Variants in THOC2 observed in about 807,000 individuals in gnomAD.
THOC2 encodes the protein THO complex 2.
THOC2 carries 10 observed loss-of-function variants against 128.4 expected under a neutral mutation model. The observed-to-expected ratio is 0.08, with a 90% CI of 0.05 to 0.13. The LOEUF (loss-of-function observed/expected upper bound fraction) is 0.13. Among genes scored for constraint, THOC2 ranks in the 10% least tolerant of loss-of-function variants. THOC2 has a pLI of 1.00. For synonymous variants in THOC2, 393 were observed against 396.9 expected, an observed-to-expected ratio of 0.99 and a Z score of 0.12; for missense variants, 535 against 1,155.7, an observed-to-expected ratio of 0.46 and a Z score of 7.79.
chrX:123,713,858 A>C (rs1207520887), intron 1 of THOC2, among the ~76,000 whole-genome samples: 1 of 110,596 alleles, frequency 9.0e-6, no homozygotes, highest in East Asian at 2.8e-4. Flanking sequence ...AAAAAAAGGA[A>C]AAAAGAAAAG....
intron 15 of THOC2, among the ~76,000 whole-genome samples, chrX:123,642,196 C>T (rs2047943905): frequency 9.0e-6 from 1 of 111,549 alleles, no homozygotes; most frequent in African/African-American, 3.3e-5. Flanking sequence ...GAGGCCAAGG[C>T]GGGTGAATCA....
chrX:123,678,274 T>C (rs1248076302), intron 8 of THOC2, among the ~76,000 whole-genome samples: 2 of 108,680 alleles, frequency 1.8e-5, no homozygotes, highest in African/African-American at 6.7e-5. Context: ...AAACTTTTTT[T>C]TTTTTTTTTG....
chrX:123,603,354 G>T, intron 38 of THOC2: 1 of 279,908 alleles, frequency 3.6e-6, no homozygotes, highest in Admixed American at 6.2e-5. Flanking sequence ...AAGTATAGGA[G>T]TTCACACACA....
At chrX:123,653,323 A>C (rs891784106) in intron 12 of THOC2, among the ~76,000 whole-genome samples, 1 of 112,185 alleles carries the variant, frequency 8.9e-6, no homozygotes, top group East Asian at 2.8e-4. Flanking sequence ...GAAAAACCCT[A>C]GAAGAAAATT....
At chrX:123,681,850 G>C (rs766240491) in intron 8 of THOC2, among the ~76,000 whole-genome samples, 1 of 111,689 alleles carries the variant, frequency 9.0e-6, no homozygotes, top group African/African-American at 3.3e-5. Context: ...ACCTGAGGTC[G>C]GGAATTCGGG....
chrX:123,718,369 A>G (rs2051522581), intron 1 of THOC2, among the ~76,000 whole-genome samples: 1 of 112,294 alleles, frequency 8.9e-6, no homozygotes, highest in Non-Finnish European at 1.9e-5. Context: ...AGAGCTACAC[A>G]ACACTGGTCT....
chrX:123,661,780 G>A, intron 12 of THOC2, among the ~76,000 whole-genome samples: 1 of 111,445 alleles, frequency 9.0e-6, no homozygotes, highest in Middle Eastern at 4.2e-3. Context: ...GTAAATTTGT[G>A]AGCATTAAAA....
chrX:123,677,486 GTAA>G lies in THOC2; in HGVS notation c.769-5728_769-5726del, dbSNP rs2049550150. ...ATTTTTTTAACTTTTTGACTTTTTT[GTAA>G]TAATGCTTAGCTTAAAACACACATT... On this transcript the variant is annotated intron_variant, in intron 8 of 38. Coordinates refer to ENST00000245838, the MANE Select transcript of THOC2 (RefSeq NM_001081550.2). Among the ~76,000 whole-genome samples, 7 of 110,905 alleles carry G rather than the reference GTAA, an allele frequency of 6.3e-5. No homozygotes were observed. The South Asian group carries it at 2.6e-3, about 42-fold the overall frequency.
chrX:123,635,785 G>GT (rs1221801908), intron 19 of THOC2, among the ~76,000 whole-genome samples: 1 of 111,798 alleles, frequency 8.9e-6, no homozygotes, highest in East Asian at 2.8e-4. Flanking sequence ...GATATACAAT[G>GT]TATCATATTA....
intron 23 of THOC2, among the ~76,000 whole-genome samples, chrX:123,627,491 A>G (rs1921730722): frequency 9.0e-6 from 1 of 111,670 alleles, no homozygotes; most frequent in Admixed American, 9.5e-5. Context: ...CACTCAAATA[A>G]TTTTTGATTA....
At chrX:123,650,836 T>G (rs984621366) in intron 12 of THOC2, among the ~76,000 whole-genome samples, 16 of 111,822 alleles carry the variant, frequency 1.4e-4, no homozygotes, top group Non-Finnish European at 3.8e-5. Flanking sequence ...CAAAGAGATT[T>G]TGGCTGCCAC....
chrX:123,622,897 A>G, intron 29 of THOC2, 37 bp from the exon 30 acceptor site: 1 of 1,017,813 alleles, frequency 9.8e-7, no homozygotes, highest in Non-Finnish European at 1.3e-6. Context: ...ACAAGCCCCT[A>G]AATGTAAATA....
intron 15 of THOC2, among the ~76,000 whole-genome samples, chrX:123,643,111 G>A (rs780860202): frequency 9.0e-6 from 1 of 111,462 alleles, no homozygotes; most frequent in South Asian, 3.8e-4. Context: ...AGATGGAAAG[G>A]GGGAAAGGAA....
chrX:123,712,728 G>C, intron 2 of THOC2, 122 bp downstream of exon 2: 3 of 434,425 alleles, frequency 6.9e-6, no homozygotes, highest in Non-Finnish European at 1.2e-5. Context: ...ATATAACCAT[G>C]TAAAACCTTT....
intron 2 of THOC2, among the ~76,000 whole-genome samples, chrX:123,710,711 C>T (rs1031703875): frequency 9.1e-6 from 1 of 109,855 alleles, no homozygotes; most frequent in Admixed American, 9.7e-5. Context: ...CATTTTCGGT[C>T]GGGCACGGTG....
intron 8 of THOC2, among the ~76,000 whole-genome samples, chrX:123,672,293 C>T (rs1346672200): frequency 9.3e-6 from 1 of 108,041 alleles, no homozygotes; most frequent in African/African-American, 3.4e-5. Context: ...TATATGCCAC[C>T]ACACCCAGCT....
At position 123,683,633 on chromosome X, in the gene THOC2, T is replaced by C. The variant is rs1416773549; in HGVS notation, c.768+2915A>G. The stretch of plus-strand genomic sequence containing the variant: ...TTTTTTTTGAGACAGAGTTTCGCTC[T>C]TGTTGCCCAGGCTGGAGTGCAATGG... On this transcript the variant is annotated intron_variant, in intron 8 of 38. Coordinates refer to ENST00000245838, the MANE Select transcript of THOC2 (RefSeq NM_001081550.2). 3.7e-5 allele frequency among the ~76,000 whole-genome samples: 4 copies of C among 109,044 alleles called. No homozygotes were observed. The East Asian group carries it at 1.1e-3, about 31-fold the overall frequency. The allele number at this position is 109,044 out of a possible 115,157, so 94.7% of individuals were successfully genotyped here.
intron 8 of THOC2, among the ~76,000 whole-genome samples, chrX:123,682,057 C>CA (rs1316826868): frequency 9.1e-6 from 1 of 109,804 alleles, no homozygotes; most frequent in Admixed American, 9.6e-5. Flanking sequence ...AAACTCCATT[C>CA]AAAAAAAGAA....
chrX:123,722,900 C>T (rs1219822931), intron 1 of THOC2, among the ~76,000 whole-genome samples: 1 of 111,890 alleles, frequency 8.9e-6, no homozygotes, highest in African/African-American at 3.2e-5. Context: ...AACTCCAGTA[C>T]AGGCGTGGTG....
Sources: allele counts gnomAD v4.1 joint callset (sites outside exome capture counted in the v4.1 genomes callset), GRCh38; gene constraint gnomAD v4.1.1; transcripts MANE v1.5; gene names NCBI Gene and HGNC (gene_info 2026-07-23, HGNC 2026-07-21).